Variants in XIRP1 observed in about 807,000 individuals in gnomAD.
XIRP1 encodes xin actin-binding repeat-containing protein 1.
For missense variants in XIRP1, 2,378 were observed against 2,345.4 expected (o/e 1.01, Z -0.29); for synonymous variants, 984 against 947.0 (o/e 1.04, Z -0.72).
rs367911214 is a variant in XIRP1 at position 39,186,010 on chromosome 3, G to A, written c.3436C>T (p.His1146Tyr). The change falls in exon 2 of 2, where the codon CAT becomes TAT. Residue 1146 changes from histidine (H) to tyrosine (Y), a missense_variant. His to Tyr is a moderately conservative substitution (Grantham distance 83, BLOSUM62 2). Coordinates refer to ENST00000340369, the MANE Select transcript of XIRP1 (RefSeq NM_194293.4). ...GGTGGGTCAAAGGTCCTCACGGGAT[G>A]AGCGGTGTAGATGCCATCCTGAATT... is the stretch of plus-strand genomic sequence containing the variant. Reference protein sequence around the residue: ...VTIQDGIYTAHPVRTFDPPGG... With the variant: ...VTIQDGIYTAYPVRTFDPPGG... The A allele has an allele frequency of 4.3e-6, 7 of 1,614,038 alleles. No homozygotes were observed. The highest frequency in any genetic ancestry group is 2.2e-5 in the East Asian group (1 of 44,894).
Position 39,184,334 on chromosome 3 carries a change from G to A in XIRP1, c.5112C>T (p.Asp1704=). 6.2e-7 allele frequency: 1 copy of A among 1,614,176 alleles called. No homozygotes were observed. The highest frequency in any genetic ancestry group is 8.5e-7 in the Non-Finnish European group (1 of 1,180,034). Reference sequence around the variant, plus strand: ...TCTGGTGGAGCAGGGCCTGGCCTATGTCCTGAGCCAGTTGTGTGCTTTTCA... The same window carrying A: ...TCTGGTGGAGCAGGGCCTGGCCTATATCCTGAGCCAGTTGTGTGCTTTTCA... ...VSVKSTQLAQ[D]IGQALLHQKG... Residue 1704 remains aspartate, a synonymous_variant, in exon 2 of 2, where the codon GAC becomes GAT. Coordinates refer to ENST00000340369, the MANE Select transcript of XIRP1 (RefSeq NM_194293.4).
chr3:39,188,616 G>C lies in XIRP1; in HGVS notation c.830C>G (p.Pro277Arg). ...RSARWLFETR[P>R]LDAINQDPSQ... ...GGGGTCCTGGTTGATGGCGTCCAGA[G>C]GCCGGGTCTCAAAGAGCCAGCGGGC... The change falls in exon 2 of 2, where the codon CCT (proline) becomes CGT (arginine). Residue 277 changes from proline to arginine, a missense_variant. Pro to Arg is a moderately radical substitution (Grantham distance 103, BLOSUM62 -2). Coordinates refer to ENST00000340369, the MANE Select transcript of XIRP1 (RefSeq NM_194293.4). 6.2e-7 allele frequency: 1 copy of C among 1,613,570 alleles called. No individual in the cohort carries two copies. The highest frequency in any genetic ancestry group is 8.5e-7 in the Non-Finnish European group (1 of 1,180,018).
At chr3:39,189,998 G>A (rs1175981373) in intron 1 of XIRP1, among the ~76,000 whole-genome samples, 1 of 152,180 alleles carries the variant, frequency 6.6e-6, no homozygotes, top group African/African-American at 2.4e-5. Flanking sequence ...GACTTGCCAT[G>A]TTGACCTGGA....
chr3:39,188,304 G>T lies in XIRP1; in HGVS notation c.1142C>A (p.Thr381Asn). The T allele has an allele frequency of 6.2e-7, 1 of 1,614,198 alleles. No individual in the cohort carries two copies. Among genetic ancestry groups the T allele is most frequent in the Non-Finnish European group, 8.5e-7 (1 of 1,180,030 alleles). Residue 381 changes from threonine (T) to asparagine (N), a missense_variant, in exon 2 of 2, where the codon ACC (threonine) becomes AAC (asparagine). Thr to Asn is a moderately conservative substitution (Grantham distance 65, BLOSUM62 0). Transcript: ENST00000340369. ...GGGCTTTGTTTCAAATAGCCACAGG[G>T]TGGAGCGGACATCACCAGGGACCAC... ...EEVVPGDVRS[T>N]LWLFETKPLD...
rs1205589259 is a variant in XIRP1 at position 39,188,370 on chromosome 3, C to T, written c.1076G>A (p.Gly359Glu). ...FETRALDTLK[G>E]DEEAGAEAPP... ...GGCCTCTGCTCCAGCCTCTTCGTCC[C>T]CCTTCAGAGTGTCCAGCGCTCGGGT... The change falls in exon 2 of 2, where the codon GGG becomes GAG. Residue 359 changes from glycine to glutamate, a missense_variant. Physicochemically the swap from Gly to Glu is moderately conservative, Grantham distance 98. Coordinates refer to ENST00000340369, the MANE Select transcript of XIRP1 (RefSeq NM_194293.4). The T allele has an allele frequency of 1.9e-6, 3 of 1,613,904 alleles. No homozygotes were observed. The African/African-American group carries it at 4.0e-5, about 22-fold the overall frequency.
At position 39,186,504 on chromosome 3, in the gene XIRP1, C is replaced by G. The variant is rs759261805; in HGVS notation, c.2942G>C (p.Gly981Ala). 2 of 1,613,360 alleles carry G rather than the reference C, an allele frequency of 1.2e-6. No homozygotes were observed. The highest frequency in any genetic ancestry group is 1.7e-6 in the Non-Finnish European group (2 of 1,179,664). Residue 981 changes from glycine (G) to alanine (A), a missense_variant, in exon 2 of 2, where the codon GGG becomes GCG. Transcript: ENST00000340369. ...CCCTGAGGCTCTCAGATGCCCCATC[C>G]CCATGCTGGGGTCCAGTGGGGGAAC... ...IHVPPLDPSM[G>A]MGHLRASGAT...
intron 1 of XIRP1, among the ~76,000 whole-genome samples, chr3:39,191,553 C>G (rs902104357): frequency 6.6e-6 from 1 of 152,218 alleles, no homozygotes; most frequent in Non-Finnish European, 1.5e-5. Flanking sequence ...AGTAGCAAAG[C>G]CTGAAGCATG....
At chr3:39,191,051 T>C (rs1047779869) in intron 1 of XIRP1, among the ~76,000 whole-genome samples, 2 of 151,750 alleles carry the variant, frequency 1.3e-5, no homozygotes, top group African/African-American at 2.4e-5. Flanking sequence ...TGGGGGGAGG[T>C]ACTGGAAGTA....
At position 39,185,824 on chromosome 3, in the gene XIRP1, C is replaced by T. The variant is rs375166597; in HGVS notation, c.3622G>A (p.Gly1208Arg). ...GGGCAGACTTCTGCCATCGCCTTCC[C>T]TGGTGGCCCCCAGGCCATCTGTGTG... ...GCTQMAWGPP[G>R]KAMAEVCPGG... Residue 1208 changes from glycine (G) to arginine (R), a missense_variant, in exon 2 of 2, where the codon GGG becomes AGG. Coordinates refer to ENST00000340369, the MANE Select transcript of XIRP1 (RefSeq NM_194293.4). 6.8e-5 allele frequency: 109 copies of T among 1,613,598 alleles called. No homozygotes were observed. The highest frequency in any genetic ancestry group is 9.0e-5 in the Non-Finnish European group (106 of 1,179,874).
In XIRP1 at chr3:39,185,118, C is replaced by G. The variant is rs756963749; in HGVS notation, c.4328G>C (p.Gly1443Ala). 1 of 1,560,064 alleles carries G rather than the reference C, an allele frequency of 6.4e-7. No individual in the cohort carries two copies. Among genetic ancestry groups the G allele is most frequent in the Admixed American group, 1.9e-5 (1 of 51,478 alleles). Residue 1443 changes from glycine (G) to alanine (A), a missense_variant, in exon 2 of 2, where the codon GGC (glycine) becomes GCC (alanine). Gly to Ala is a moderately conservative substitution (Grantham distance 60, BLOSUM62 0). Transcript: ENST00000340369. The stretch of plus-strand genomic sequence containing the variant: ...TTCCATGGGCTGCTCTCCTGAGGGG[C>G]CGGGGCCCCACTGTGGTGAGGTGGG... ...HDPTSPQWGP[G>A]PSGEQPMEGS... is the part of the protein sequence containing the mutation.
chr3:39,186,720 G>A lies in XIRP1; in HGVS notation c.2726C>T (p.Ala909Val). The change falls in exon 2 of 2, where the codon GCC (alanine) becomes GTC (valine). Residue 909 changes from alanine to valine, a missense_variant. Physicochemically the swap from Ala to Val is moderately conservative, Grantham distance 64 (BLOSUM62 0). Coordinates refer to ENST00000340369, the MANE Select transcript of XIRP1 (RefSeq NM_194293.4). ...ETEQGLVALT[A>V]YSLQPRLTSK... ...AGTTAGCCGGGGCTGCAGAGAGTAG[G>A]CAGTCAGTGCGACCAGGCCCTGCTC... 2 of 1,613,954 alleles carry A rather than the reference G, an allele frequency of 1.2e-6. No individual in the cohort carries two copies. Among genetic ancestry groups the A allele is most frequent in the Non-Finnish European group, 1.7e-6 (2 of 1,180,046 alleles).
In XIRP1 at chr3:39,185,617, C is replaced by T. The variant is rs759112662; in HGVS notation, c.3829G>A (p.Glu1277Lys). Reference sequence around the variant, plus strand: ...TCAGAGGCTTGCTGGATGGAGTCCTCAGCACGGTGGGCTCCAGCTGGAAAG... The same window carrying T: ...TCAGAGGCTTGCTGGATGGAGTCCTTAGCACGGTGGGCTCCAGCTGGAAAG... The part of the protein sequence containing the change: ...PDFPAGAHRA[E>K]DSIQQASEPL... Residue 1277 changes from glutamate (E) to lysine (K), a missense_variant, in exon 2 of 2, where the codon GAG becomes AAG. Glu to Lys is a moderately conservative substitution (Grantham distance 56). Transcript: ENST00000340369. The T allele has an allele frequency of 4.7e-5, 76 of 1,611,842 alleles. No homozygotes were observed. Among genetic ancestry groups the T allele is most frequent in the Non-Finnish European group, 6.2e-5 (73 of 1,178,978 alleles).
rs777312064 is a variant in XIRP1 at position 39,189,329 on chromosome 3, C to T, written c.117G>A (p.Lys39=). 4.0e-6 allele frequency: 6 copies of T among 1,491,106 alleles called. No homozygotes were observed. In the Admixed American group the frequency reaches 1.1e-4, roughly 27 times the overall value. The allele number at this position is 1,491,106 out of a possible 1,614,324, so 92.4% of individuals were successfully genotyped here. A position where few individuals can be genotyped will look rare whatever the true frequency, so the allele number is the denominator to read the frequency against. ...ALEDLPLPPP[K]ESFSKFHQQR... is the part of the protein sequence containing the mutation. ...GCTGATGGAACTTGGAGAAGGATTC[C>T]TTGGGTGGCGGCAGTGGCAGGTCCT... The change falls in exon 2 of 2, where the codon AAG becomes AAA. Residue 39 remains lysine (K), a synonymous_variant. Transcript: ENST00000340369.
chr3:39,186,517 C>A lies in XIRP1; in HGVS notation c.2929G>T (p.Asp977Tyr), dbSNP rs2039975547. 5.0e-6 allele frequency: 8 copies of A among 1,612,684 alleles called. No individual in the cohort carries two copies. The highest frequency in any genetic ancestry group is 3.3e-5 in the Admixed American group (2 of 59,968). Reference protein sequence around the residue: ...TESIIHVPPLDPSMGMGHLRA... With the variant: ...TESIIHVPPLYPSMGMGHLRA... ...AGATGCCCCATCCCCATGCTGGGGT[C>A]CAGTGGGGGAACATGGATGATGCTC... The change falls in exon 2 of 2, where the codon GAC becomes TAC. Residue 977 changes from aspartate (D) to tyrosine (Y), a missense_variant. Transcript: ENST00000340369.
In XIRP1 at chr3:39,187,252, A is replaced by G; in HGVS notation, c.2194T>C (p.Phe732Leu). The change falls in exon 2 of 2, where the codon TTT becomes CTT. Residue 732 changes from phenylalanine to leucine, a missense_variant. By Grantham distance (22) the Phe-to-Leu change is conservative. Transcript: ENST00000340369. ...AGSVHKFTWL[F>L]ENCPMGSLAA... ...AGGGAGCCCATGGGACAATTCTCAA[A>G]AAGCCAAGTGAACTTGTGGACAGAA... is the stretch of plus-strand genomic sequence containing the variant. 1 of 1,582,648 alleles carries G rather than the reference A, an allele frequency of 6.3e-7. No individual in the cohort carries two copies. The highest frequency in any genetic ancestry group is 1.1e-5 in the South Asian group (1 of 87,562).
chr3:39,191,840 G>T (rs2040092416), intron 1 of XIRP1, among the ~76,000 whole-genome samples: 1 of 152,204 alleles, frequency 6.6e-6, no homozygotes, highest in African/African-American at 2.4e-5. Context: ...CCCCAAATCT[G>T]CCCTGGGGGC....
chr3:39,184,076 G>C lies in XIRP1; in HGVS notation c.5370C>G (p.Thr1790=), dbSNP rs766578969. Residue 1790 remains threonine, a synonymous_variant, in exon 2 of 2, where the codon ACC becomes ACG. Transcript: ENST00000340369. ...NTVLMSSTTV[T]EQAEPPRNPG... ...GGTTCCTGGGTGGCTCTGCCTGCTC[G>C]GTGACTGTGGTGGAAGACATGAGGA... The C allele has an allele frequency of 6.2e-7, 1 of 1,608,514 alleles. No homozygotes were observed. The highest frequency in any genetic ancestry group is 1.1e-5 in the South Asian group (1 of 90,462).
Position 39,188,681 on chromosome 3 carries a change from G to T in XIRP1, c.765C>A (p.Ala255=). 1 of 1,613,420 alleles carries T rather than the reference G, an allele frequency of 6.2e-7. No homozygotes were observed. The highest frequency in any genetic ancestry group is 8.5e-7 in the Non-Finnish European group (1 of 1,180,018). The change falls in exon 2 of 2, where the codon GCC becomes GCA. Residue 255 remains alanine (A), a synonymous_variant. Coordinates refer to ENST00000340369, the MANE Select transcript of XIRP1 (RefSeq NM_194293.4). The part of the protein sequence containing the change: ...DAEGAIHEVK[A]ACREEIQSNA... Reference sequence around the variant, plus strand: ...TGCTTTGGATCTCCTCCCGGCATGCGGCCTTGACCTCATGGATGGCGCCCT... The same window carrying T: ...TGCTTTGGATCTCCTCCCGGCATGCTGCCTTGACCTCATGGATGGCGCCCT...
intron 1 of XIRP1, among the ~76,000 whole-genome samples, chr3:39,191,473 C>G (rs868138115): frequency 9.9e-5 from 15 of 152,092 alleles, no homozygotes; most frequent in Middle Eastern, 6.8e-3. Flanking sequence ...ATCTAAACCC[C>G]TTATTGTTCA....
Sources: allele counts gnomAD v4.1 joint callset (sites outside exome capture counted in the v4.1 genomes callset), GRCh38; gene constraint gnomAD v4.1.1; transcripts MANE v1.5; gene names NCBI Gene and HGNC (gene_info 2026-07-23, HGNC 2026-07-21).